PLCB4: variants seen among roughly 807,000 people sequenced by gnomAD.
The protein encoded by PLCB4 is 1-phosphatidylinositol 4,5-bisphosphate phosphodiesterase beta-4.
In PLCB4, 77 loss-of-function variants were observed where a neutral mutation model predicts 178.8. The observed-to-expected ratio is 0.43, with a 90% CI of 0.36 to 0.52. The LOEUF is 0.52. Ranked by LOEUF, PLCB4 falls within the 20% of genes least tolerant of loss-of-function variation. The pLI is 0.00. For missense variants in PLCB4, 1,024 were observed against 1,453.4 expected (o/e 0.70, Z 4.80); for synonymous variants, 496 against 490.8 (o/e 1.01, Z -0.14).
intron 2 of PLCB4, among the ~76,000 whole-genome samples, chr20:9,123,420 CT>C (rs11087837): frequency 0.025 from 3,633 of 144,366 alleles, 136 homozygotes; most frequent in African/African-American, 0.085. Flanking sequence ...GAAATCTCCT[CT>C]TTTTTTTTTT....
rs747402316 is a variant in PLCB4, at chr20:9,371,307, C to T, written c.585+12C>T. ...TTCCCAGTGGAAAGGTATGCATTAA[C>T]TTAATAATGTATTTCTAAAACCATT... On this transcript the variant is annotated intron_variant, in intron 10 of 39. Coordinates refer to ENST00000378473, the MANE Select transcript of PLCB4 (RefSeq NM_001377142.1). 1 of 1,411,608 alleles carries T rather than the reference C, an allele frequency of 7.1e-7. No homozygotes were observed. The highest frequency in any genetic ancestry group is 1.2e-5 in the South Asian group (1 of 85,256). The allele number at this position is 1,411,608 out of a possible 1,614,324, so 87.4% of individuals were successfully genotyped here.
chr20:9,448,757 T>A (rs961502589), intron 32 of PLCB4, among the ~76,000 whole-genome samples: 1 of 152,174 alleles, frequency 6.6e-6, no homozygotes, highest in Non-Finnish European at 1.5e-5. Context: ...ATTCTACTTT[T>A]TAGACTTAAA....
At chr20:9,277,046 TAAAG>T (rs2094456628) in intron 3 of PLCB4, among the ~76,000 whole-genome samples, 1 of 152,056 alleles carries the variant, frequency 6.6e-6, no homozygotes, top group African/African-American at 2.4e-5. Flanking sequence ...GGATGCACAG[TAAAG>T]TCTGGGAAGC....
chr20:9,372,503 C>T, intron 11 of PLCB4, 100 bp downstream of exon 11: 1 of 582,994 alleles, frequency 1.7e-6, no homozygotes, highest in East Asian at 3.0e-5. Context: ...ATGTTGGTAG[C>T]ATCTAGGAAT....
At chr20:9,410,957 A>G in intron 24 of PLCB4, 80 bp from the exon 25 acceptor site, 2 of 953,896 alleles carry the variant, frequency 2.1e-6, no homozygotes, top group Non-Finnish European at 3.4e-6. Flanking sequence ...GCAATCTGAT[A>G]CCTATTGTTT....
chr20:9,126,100 TAAA>T (rs2092107241), intron 2 of PLCB4, among the ~76,000 whole-genome samples: 1 of 152,308 alleles, frequency 6.6e-6, no homozygotes, highest in South Asian at 2.1e-4. Context: ...CATTTTTAAA[TAAA>T]AACAATATTA....
chr20:9,370,620 G>A (rs977449574), intron 9 of PLCB4, among the ~76,000 whole-genome samples: 4 of 152,188 alleles, frequency 2.6e-5, no homozygotes, highest in African/African-American at 9.6e-5. Flanking sequence ...AAAAATGTGT[G>A]TCCCAGGCCA....
intron 2 of PLCB4, among the ~76,000 whole-genome samples, chr20:9,184,845 T>C (rs1402305504): frequency 2.0e-5 from 3 of 152,236 alleles, no homozygotes; most frequent in East Asian, 1.9e-4. Flanking sequence ...AGTTTTTTTG[T>C]TGGGACAGAA....
At chr20:9,174,095 T>C (rs1000656119) in intron 2 of PLCB4, among the ~76,000 whole-genome samples, 48 of 152,170 alleles carry the variant, frequency 3.2e-4, no homozygotes, top group Non-Finnish European at 4.4e-4. Context: ...CCTTTATTTC[T>C]TGGCTTGGTT....
At chr20:9,421,562 CAT>C (rs2040640201) in intron 27 of PLCB4, 101 bp downstream of exon 27, 1 of 893,216 alleles carries the variant, frequency 1.1e-6, no homozygotes, top group South Asian at 1.6e-5. Flanking sequence ...CAACCGACAA[CAT>C]CTTCTTTTTC....
chr20:9,427,360 T>G (rs138581375), intron 28 of PLCB4, among the ~76,000 whole-genome samples: 2,411 of 149,942 alleles, frequency 0.016, 67 homozygotes, highest in African/African-American at 0.056. Context: ...CAATACAGTC[T>G]CCTATCAGAA....
intron 2 of PLCB4, among the ~76,000 whole-genome samples, chr20:9,166,152 G>T (rs1301650793): frequency 6.6e-6 from 1 of 152,076 alleles, no homozygotes; most frequent in Non-Finnish European, 1.5e-5. Context: ...GCAATCAGTT[G>T]TGCCTTTCTT....
At chr20:9,400,666 A>G (rs2038955328) in intron 19 of PLCB4, among the ~76,000 whole-genome samples, 1 of 152,128 alleles carries the variant, frequency 6.6e-6, no homozygotes, top group African/African-American at 2.4e-5. Context: ...ATTTTAGGCA[A>G]ATTCTTTATC....
At chr20:9,088,788 A>G (rs2090551047) in intron 1 of PLCB4, among the ~76,000 whole-genome samples, 1 of 152,162 alleles carries the variant, frequency 6.6e-6, no homozygotes, top group Admixed American at 6.6e-5. Context: ...AACTGGATTG[A>G]CAGGCACTTC....
intron 2 of PLCB4, among the ~76,000 whole-genome samples, chr20:9,191,885 T>G (rs1346815081): frequency 1.3e-5 from 2 of 152,090 alleles, no homozygotes; most frequent in Non-Finnish European, 2.9e-5. Flanking sequence ...TGTATGTTTT[T>G]TTTTTTTTTT....
chr20:9,139,563 A>G (rs1323105189), intron 2 of PLCB4, among the ~76,000 whole-genome samples: 3 of 152,048 alleles, frequency 2.0e-5, no homozygotes, highest in Non-Finnish European at 4.4e-5. Flanking sequence ...CAAAAGTGGA[A>G]GTTGCCAGTT....
At chr20:9,382,087 A>G (rs2037188844) in intron 13 of PLCB4, among the ~76,000 whole-genome samples, 1 of 152,242 alleles carries the variant, frequency 6.6e-6, no homozygotes, top group Non-Finnish European at 1.5e-5. Flanking sequence ...CTACCCCTAG[A>G]TATGTTCCTT....
chr20:9,388,190 A>G (rs1286989920), intron 15 of PLCB4, among the ~76,000 whole-genome samples: 1 of 152,168 alleles, frequency 6.6e-6, no homozygotes, highest in African/African-American at 2.4e-5. Context: ...GTGAGCCGAG[A>G]TTACACTGTT....
intron 4 of PLCB4, among the ~76,000 whole-genome samples, chr20:9,310,311 T>C (rs531520371): frequency 2.0e-5 from 3 of 152,320 alleles, no homozygotes; most frequent in South Asian, 2.1e-4. Context: ...ATAGCAAAGG[T>C]ACCTTTTGTG....
Sources: allele counts gnomAD v4.1 joint callset (sites outside exome capture counted in the v4.1 genomes callset), GRCh38; gene constraint gnomAD v4.1.1; transcripts MANE v1.5; gene names NCBI Gene and HGNC (gene_info 2026-07-23, HGNC 2026-07-21).